KCNAB1: variants seen among roughly 807,000 people sequenced by gnomAD.
The protein encoded by KCNAB1 is voltage-gated potassium channel subunit beta-1.
Under a neutral mutation model 64.6 loss-of-function variants are expected in KCNAB1, and 35 were observed. That is an observed-to-expected ratio of 0.54 (90% CI 0.41 to 0.72). The LOEUF (loss-of-function observed/expected upper bound fraction) is 0.72. Ranked by LOEUF, KCNAB1 falls within the 30% of genes least tolerant of loss-of-function variation. The pLI, the probability that KCNAB1 is intolerant of heterozygous loss-of-function variation, is 0.00. For missense variants in KCNAB1, 401 were observed against 512.9 expected, an observed-to-expected ratio of 0.78 and a Z score of 2.11; for synonymous variants, 177 against 183.8, an observed-to-expected ratio of 0.96 and a Z score of 0.30.
chr3:156,240,427 T>C (rs6764861), intron 1 of KCNAB1, among the ~76,000 whole-genome samples: 73,622 of 151,928 alleles, frequency 0.48, 18,992 homozygotes, highest in East Asian at 0.8. Flanking sequence ...AAAGAGTTTA[T>C]ATATGAAAAT....
chr3:156,302,203 C>T (rs1721196107), intron 1 of KCNAB1, among the ~76,000 whole-genome samples: 1 of 152,098 alleles, frequency 6.6e-6, no homozygotes, highest in Non-Finnish European at 1.5e-5. Flanking sequence ...ATTCTCCTGC[C>T]TGCCTCTTAA....
At chr3:156,256,916 G>T (rs1190008229) in intron 1 of KCNAB1, among the ~76,000 whole-genome samples, 1 of 152,120 alleles carries the variant, frequency 6.6e-6, no homozygotes, top group African/African-American at 2.4e-5. Flanking sequence ...TCCATTGAAG[G>T]TTACAGTTTC....
intron 2 of KCNAB1, among the ~76,000 whole-genome samples, chr3:156,422,669 C>T (rs1341127352): frequency 6.6e-6 from 1 of 152,116 alleles, no homozygotes; most frequent in African/African-American, 2.4e-5. Context: ...ACTTATGACT[C>T]CAATTTAGAA....
chr3:156,264,526 CTG>C (rs965309951), intron 1 of KCNAB1, among the ~76,000 whole-genome samples: 15 of 152,014 alleles, frequency 9.9e-5, no homozygotes, highest in Admixed American at 3.3e-4. Flanking sequence ...AAAAATATTT[CTG>C]TGAGTTATTT....
chr3:156,515,088 A>T lies in KCNAB1; in HGVS notation c.745-12A>T. 1 of 1,591,886 alleles carries T rather than the reference A, an allele frequency of 6.3e-7. No homozygotes were observed. Among genetic ancestry groups the T allele is most frequent in the Non-Finnish European group, 8.5e-7 (1 of 1,171,894 alleles). On this transcript the variant is annotated splice_polypyrimidine_tract_variant and intron_variant, in intron 9 of 13. Transcript: ENST00000490337. ...TCAGTATAAATTTGGTTGTAATCTC[A>T]TTCCTCCCTAGGAAGCCTATTCTGT...
intron 1 of KCNAB1, among the ~76,000 whole-genome samples, chr3:156,190,188 A>C (rs1447205399): frequency 1.3e-5 from 2 of 152,168 alleles, no homozygotes; most frequent in Non-Finnish European, 2.9e-5. Flanking sequence ...AAAGCATTTG[A>C]AAGTAACTTT....
At chr3:156,385,785 G>T (rs1712539791) in intron 1 of KCNAB1, among the ~76,000 whole-genome samples, 1 of 152,160 alleles carries the variant, frequency 6.6e-6, no homozygotes, top group South Asian at 2.1e-4. Flanking sequence ...CCTGTGATTA[G>T]CTCATTAAGT....
At chr3:156,478,027 A>G (rs9829278) in intron 8 of KCNAB1, among the ~76,000 whole-genome samples, 1 of 152,212 alleles carries the variant, frequency 6.6e-6, no homozygotes, top group South Asian at 2.1e-4. Flanking sequence ...AATGTTATTT[A>G]TAATCAAATT....
At chr3:156,432,671 C>T (rs1716306089) in intron 2 of KCNAB1, among the ~76,000 whole-genome samples, 1 of 152,118 alleles carries the variant, frequency 6.6e-6, no homozygotes, top group South Asian at 2.1e-4. Context: ...CTGGAATTAG[C>T]TTCATTTTTC....
At chr3:156,191,373 A>C (rs1713550902) in intron 1 of KCNAB1, among the ~76,000 whole-genome samples, 1 of 152,216 alleles carries the variant, frequency 6.6e-6, no homozygotes, top group Non-Finnish European at 1.5e-5. Flanking sequence ...GAACATTAGC[A>C]CTGTTCTTGC....
At chr3:156,222,410 A>C (rs1715837001) in intron 1 of KCNAB1, among the ~76,000 whole-genome samples, 1 of 152,218 alleles carries the variant, frequency 6.6e-6, no homozygotes. Flanking sequence ...CTAACACTGG[A>C]GCTCCCAAAT....
rs1203927340 is a variant in KCNAB1, at chr3:156,452,999, G to A, written c.357+63G>A. 3 of 1,138,134 alleles carry A rather than the reference G, an allele frequency of 2.6e-6. No individual in the cohort carries two copies. Among genetic ancestry groups the A allele is most frequent in the Non-Finnish European group, 2.6e-6 (2 of 765,750 alleles). The allele number at this position is 1,138,134 out of a possible 1,614,324, so 70.5% of individuals were successfully genotyped here. On this transcript the variant is annotated intron_variant, in intron 3 of 13. Coordinates refer to ENST00000490337, the MANE Select transcript of KCNAB1 (RefSeq NM_172160.3). This position sits in a 1 kb window ranked among gnomAD's most constrained non-coding sequence, Gnocchi z 4.6. Reference sequence around the variant, plus strand: ...AAATGCAGAGAGAGCTGTATTGCAGGAGTCCTCTTCCTGGGACCCTGACAC... The same window carrying A: ...AAATGCAGAGAGAGCTGTATTGCAGAAGTCCTCTTCCTGGGACCCTGACAC...
chr3:156,245,782 C>T (rs1314068045), intron 1 of KCNAB1, among the ~76,000 whole-genome samples: 4 of 152,170 alleles, frequency 2.6e-5, no homozygotes, highest in Non-Finnish European at 4.4e-5. Flanking sequence ...TAACAAGGCT[C>T]TTTGTTTAGC....
intron 2 of KCNAB1, among the ~76,000 whole-genome samples, chr3:156,427,842 C>T (rs1009470343): frequency 1.3e-5 from 2 of 152,156 alleles, no homozygotes; most frequent in African/African-American, 2.4e-5. Flanking sequence ...CTTGCTTCTA[C>T]AGTTAGAAAG....
intron 1 of KCNAB1, among the ~76,000 whole-genome samples, chr3:156,384,845 CAGG>C (rs924764641): frequency 2.0e-5 from 3 of 151,996 alleles, no homozygotes; most frequent in Non-Finnish European, 4.4e-5. Context: ...GTTCTTCTGG[CAGG>C]AGAAGGAGGG....
chr3:156,133,910 G>T (rs1560101597), intron 1 of KCNAB1, among the ~76,000 whole-genome samples: 1 of 145,336 alleles, frequency 6.9e-6, no homozygotes, highest in East Asian at 2.0e-4. Context: ...GTTGACTTTT[G>T]TTTTTTTTTT....
At chr3:156,119,019 A>G (rs1436080861), upstream of KCNAB1, among the ~76,000 whole-genome samples, 1 of 152,228 alleles carries the variant, frequency 6.6e-6, no homozygotes, top group South Asian at 2.1e-4. Context: ...CCTTTGATAC[A>G]TGCTTCAGGC....
chr3:156,231,467 C>T (rs1168769089), intron 1 of KCNAB1, among the ~76,000 whole-genome samples: 2 of 147,948 alleles, frequency 1.4e-5, no homozygotes, highest in Non-Finnish European at 3.0e-5. Context: ...AGAGAATCCC[C>T]TTTCTTCCCT....
chr3:156,465,269 G>A (rs17417629), intron 6 of KCNAB1, among the ~76,000 whole-genome samples: 1,931 of 152,268 alleles, frequency 0.013, 26 homozygotes, highest in Non-Finnish European at 0.022. Context: ...CAGCAGCCTG[G>A]CAATCTTACA....
Sources: gnomAD v4.1 joint callset for allele counts (sites outside exome capture counted in the v4.1 genomes callset) on GRCh38, gnomAD v4.1.1 for gene constraint, Gnocchi (gnomAD v3.1) non-coding constraint, MANE v1.5 for transcripts, NCBI Gene and HGNC (gene_info 2026-07-23, HGNC 2026-07-21) for gene names.